ZNF516: variants seen among roughly 807,000 people sequenced by gnomAD.
ZNF516 encodes zinc finger protein 516.
ZNF516 carries 19 observed loss-of-function variants against 79.7 expected under a neutral mutation model. The ratio of observed to expected loss-of-function variants is 0.24; its 90% CI spans 0.17 to 0.35. ZNF516 has a LOEUF of 0.35. Ranked by LOEUF, ZNF516 falls within the 10% of genes least tolerant of loss-of-function variation. ZNF516 has a pLI of 1.00. For synonymous variants in ZNF516, 877 were observed against 739.5 expected (o/e 1.19, Z -3.02); for missense variants, 1,678 against 1,679.5 (o/e 1.00, Z 0.02).
At chr18:76,488,538 G>GGGAGGA (rs1914969494) in intron 1 of ZNF516, among the ~76,000 whole-genome samples, 1 of 150,156 alleles carries the variant, frequency 6.7e-6, no homozygotes. Context: ...GAGGGGGAGG[G>GGGAGGA]GGAGGGACAG....
intron 3 of ZNF516, among the ~76,000 whole-genome samples, chr18:76,410,832 G>C (rs2075365320): frequency 6.6e-6 from 1 of 152,082 alleles, no homozygotes; most frequent in Non-Finnish European, 1.5e-5. Flanking sequence ...AATCTCCCGG[G>C]GGAGTTTTTC....
intron 3 of ZNF516, among the ~76,000 whole-genome samples, chr18:76,395,013 C>T (rs1462609679): frequency 6.6e-6 from 1 of 152,218 alleles, no homozygotes; most frequent in Non-Finnish European, 1.5e-5. Context: ...CCGATTCCAA[C>T]TCCTTCTGCT....
chr18:76,482,023 G>A (rs904751335), intron 1 of ZNF516, among the ~76,000 whole-genome samples: 12 of 152,186 alleles, frequency 7.9e-5, no homozygotes, highest in African/African-American at 2.9e-4. Flanking sequence ...TGAAGGCACT[G>A]TCTATGTAAG....
intron 1 of ZNF516, among the ~76,000 whole-genome samples, chr18:76,480,127 T>C (rs1256804765): frequency 5.2e-5 from 5 of 96,782 alleles, no homozygotes; most frequent in Non-Finnish European, 8.1e-5. Flanking sequence ...GCTGGGAAGG[T>C]AAAATGCACA....
In ZNF516 at chr18:76,441,632, C is replaced by G. The variant is rs1389955868; in HGVS notation, c.1423G>C (p.Gly475Arg). ...CCGCTCGCGCGCTTCCGCGGGGGCCCCTGCGCGGCTGGTGCATCCTGCTCA... is the reference window on the plus strand; with the variant it reads ...CCGCTCGCGCGCTTCCGCGGGGGCCGCTGCGCGGCTGGTGCATCCTGCTCA... ...KREQDAPAAQ[G>R]PPRKRASGPG... The change falls in exon 3 of 7, where the codon GGG becomes CGG. Residue 475 changes from glycine (G) to arginine (R), a missense_variant. Transcript: ENST00000443185. 3 of 1,524,426 alleles carry G rather than the reference C, an allele frequency of 2.0e-6. No homozygotes were observed. Among genetic ancestry groups the G allele is most frequent in the Non-Finnish European group, 2.6e-6 (3 of 1,136,072 alleles). 94.4% of individuals were successfully genotyped at this position (1,524,426 alleles called of 1,614,324 possible). A position where few individuals can be genotyped will look rare whatever the true frequency, so the allele number is the denominator to read the frequency against.
intron 3 of ZNF516, among the ~76,000 whole-genome samples, chr18:76,425,679 G>A (rs564999717): frequency 2.0e-5 from 3 of 152,296 alleles, no homozygotes; most frequent in East Asian, 3.9e-4. Flanking sequence ...CTAATGCCCC[G>A]TGGTCGGAGC....
At chr18:76,484,839 T>A (rs1914736935) in intron 1 of ZNF516, among the ~76,000 whole-genome samples, 1 of 152,220 alleles carries the variant, frequency 6.6e-6, no homozygotes, top group African/African-American at 2.4e-5. Context: ...TAGCAGCCCA[T>A]AATCTTTCAT....
At position 76,380,301 on chromosome 18, in the gene ZNF516, C is replaced by G; in HGVS notation, c.1813G>C (p.Gly605Arg). The G allele has an allele frequency of 6.2e-7, 1 of 1,610,648 alleles. No individual in the cohort carries two copies. Among genetic ancestry groups the G allele is most frequent in the Non-Finnish European group, 8.5e-7 (1 of 1,177,896 alleles). ...GAAAAGCAGCAGCGGCGCGGCTGTC[C>G]CCCTAGAGGAGGCAAAATATGAAAC... ...EEGAPEPAPG[G>R]QPRRCCFSEE... is the part of the protein sequence containing the mutation. The change falls in exon 4 of 7, where the codon GGA becomes CGA. Residue 605 changes from glycine (G) to arginine (R), a missense_variant and splice_region_variant. Coordinates refer to ENST00000443185, the MANE Select transcript of ZNF516 (RefSeq NM_014643.4).
At chr18:76,378,786 C>A in intron 4 of ZNF516, 69 bp downstream of exon 4, 2 of 1,544,432 alleles carry the variant, frequency 1.3e-6, no homozygotes, top group South Asian at 2.5e-5. Context: ...TGCGCAGCAG[C>A]CCTGGCCCTC....
At chr18:76,480,542 A>G (rs1914465469) in intron 1 of ZNF516, among the ~76,000 whole-genome samples, 1 of 100,280 alleles carries the variant, frequency 1.0e-5, no homozygotes, top group African/African-American at 3.7e-5. Context: ...TTTTTTTTTG[A>G]GACGGAGTCT....
At chr18:76,382,216 G>A (rs1332901067) in intron 3 of ZNF516, among the ~76,000 whole-genome samples, 2 of 152,048 alleles carry the variant, frequency 1.3e-5, no homozygotes, top group Admixed American at 6.6e-5. Context: ...TCTGTTATAC[G>A]CACACAGTGG....
intron 3 of ZNF516, among the ~76,000 whole-genome samples, chr18:76,435,471 A>T (rs1401310508): frequency 6.6e-6 from 1 of 152,220 alleles, no homozygotes; most frequent in Non-Finnish European, 1.5e-5. Flanking sequence ...AAAGCACATG[A>T]GGACACCCAG....
chr18:76,436,698 C>T (rs944249607), intron 3 of ZNF516, among the ~76,000 whole-genome samples: 3 of 152,062 alleles, frequency 2.0e-5, no homozygotes, highest in African/African-American at 7.2e-5. Flanking sequence ...AGGCAGACAC[C>T]CCTCCCAGCT....
chr18:76,424,074 T>C (rs1324563041), intron 3 of ZNF516, among the ~76,000 whole-genome samples: 1 of 80,650 alleles, frequency 1.2e-5, no homozygotes, highest in African/African-American at 5.1e-5. Flanking sequence ...AAAGGCTCCC[T>C]CCTGAAACAT....
Position 76,421,586 on chromosome 18 carries a change from GA to G in ZNF516, c.1810+19658del, listed in dbSNP as rs1355951271. Among the ~76,000 whole-genome samples, 5 of 152,326 alleles carry G rather than the reference GA, an allele frequency of 3.3e-5. No individual in the cohort carries two copies. The East Asian group carries it at 9.6e-4, about 29-fold the overall frequency. ...ACAACTCAAGGGTTTGCTTGAAGGG[GA>G]AATGGGGCATAAGAATTCCACACTA... On this transcript the variant is annotated intron_variant, in intron 3 of 6. Transcript: ENST00000443185.
In ZNF516 at chr18:76,470,716, T is replaced by TA. The variant is rs1209212753; in HGVS notation, c.-271-7576dup. On this transcript the variant is annotated intron_variant, in intron 1 of 6. Coordinates refer to ENST00000443185, the MANE Select transcript of ZNF516 (RefSeq NM_014643.4). ...CATACTGTAAGGCTTGCCCTGCACT[T>TA]AAAAACAGTGCCACAAGGCTGGGCG... Among the ~76,000 whole-genome samples, 17 of 152,340 alleles carry TA rather than the reference T, an allele frequency of 1.1e-4. No individual in the cohort carries two copies. In the South Asian group the frequency reaches 2.3e-3, roughly 20 times the overall value.
intron 2 of ZNF516, among the ~76,000 whole-genome samples, chr18:76,445,387 T>C (rs1444072878): frequency 3.3e-5 from 5 of 152,178 alleles, no homozygotes; most frequent in Non-Finnish European, 7.3e-5. Flanking sequence ...TGGCACTCAT[T>C]GTGGATGGCT....
At chr18:76,418,392 A>G (rs1037190088) in intron 3 of ZNF516, among the ~76,000 whole-genome samples, 9 of 152,136 alleles carry the variant, frequency 5.9e-5, no homozygotes, top group African/African-American at 2.2e-4. Flanking sequence ...CTGTAACACT[A>G]TAACAAACTA....
intron 3 of ZNF516, among the ~76,000 whole-genome samples, chr18:76,405,997 A>G (rs1421796816): frequency 6.6e-6 from 1 of 152,034 alleles, no homozygotes; most frequent in Non-Finnish European, 1.5e-5. Context: ...TGGCCCTCAC[A>G]CCAACATCCA....
Sources: gnomAD v4.1 joint callset for allele counts (sites outside exome capture counted in the v4.1 genomes callset) on GRCh38, gnomAD v4.1.1 for gene constraint, MANE v1.5 for transcripts, NCBI Gene and HGNC (gene_info 2026-07-23, HGNC 2026-07-21) for gene names.